Variants in DRC10 observed in about 807,000 individuals in gnomAD.
The protein encoded by DRC10 is IQ domain-containing protein D.
chr12:113,195,486 G>A, the DRC10 span: 1 of 1,458,708 alleles, frequency 6.9e-7, no homozygotes, highest in East Asian at 2.5e-5. Context: ...ATAAAAACAT[G>A]AAAGCCGTGA....
chr12:113,208,281 G>A, the DRC10 span: 1 of 1,462,878 alleles, frequency 6.8e-7, no homozygotes, highest in Non-Finnish European at 9.0e-7. Flanking sequence ...AGAAGTAGGT[G>A]TGAGTGCAGC....
chr12:113,211,868 T>G, the DRC10 span, among the ~76,000 whole-genome samples: 3 of 151,562 alleles, frequency 2.0e-5, no homozygotes, highest in Non-Finnish European at 4.4e-5. Flanking sequence ...GAGTTCAAGA[T>G]CAGCATGGGC....
the DRC10 span, among the ~76,000 whole-genome samples, chr12:113,205,902 C>CAAAAAAAAAA: frequency 6.3e-5 from 3 of 47,980 alleles, no homozygotes; most frequent in Non-Finnish European, 4.3e-5. Context: ...GACTCCGTCT[C>CAAAAAAAAAA]AAAAAAAAAA....
the DRC10 span, among the ~76,000 whole-genome samples, chr12:113,214,563 T>C: frequency 6.6e-6 from 1 of 150,926 alleles, no homozygotes; most frequent in Admixed American, 6.6e-5. Flanking sequence ...AAATCACTGT[T>C]GAATAAATGA....
the DRC10 span, among the ~76,000 whole-genome samples, chr12:113,213,176 TAAAAA>T: frequency 1.1e-4 from 7 of 63,608 alleles, no homozygotes; most frequent in East Asian, 1.2e-3. Flanking sequence ...CAGAGGGTGC[TAAAAA>T]AAAAAAAAAA....
At chr12:113,218,586 G>C in the DRC10 span, among the ~76,000 whole-genome samples, 3 of 152,110 alleles carry the variant, frequency 2.0e-5, no homozygotes, top group Non-Finnish European at 1.5e-5. Flanking sequence ...GGGACTACAG[G>C]TGCATACCAC....
At chr12:113,202,550 G>A in the DRC10 span, among the ~76,000 whole-genome samples, 10 of 152,158 alleles carry the variant, frequency 6.6e-5, no homozygotes, top group African/African-American at 1.4e-4. Flanking sequence ...ACGGGTGGTC[G>A]GTCCTTCCTA....
At chr12:113,195,925 A>G in the DRC10 span, 1 of 1,559,404 alleles carries the variant, frequency 6.4e-7, no homozygotes, top group Admixed American at 1.8e-5. Context: ...CACCACACAT[A>G]GAGTGCCTCC....
At chr12:113,217,540 T>C in the DRC10 span, among the ~76,000 whole-genome samples, 1 of 152,198 alleles carries the variant, frequency 6.6e-6, no homozygotes, top group Non-Finnish European at 1.5e-5. Context: ...GTTGTGGTTG[T>C]TTTGTTTTTG....
chr12:113,208,037 G>C, the DRC10 span: 1 of 1,614,134 alleles, frequency 6.2e-7, no homozygotes, highest in Admixed American at 1.7e-5. Flanking sequence ...ATGGTGGTGA[G>C]TTTGGTCCTA....
chr12:113,203,304 C>T, the DRC10 span, among the ~76,000 whole-genome samples: 761 of 152,196 alleles, frequency 5.0e-3, 8 homozygotes, highest in African/African-American at 0.017. Flanking sequence ...GGATTACAGG[C>T]GTGAGCCACC....
chr12:113,207,180 T>A, the DRC10 span: 2 of 502,608 alleles, frequency 4.0e-6, no homozygotes, highest in Middle Eastern at 1.1e-3. Flanking sequence ...AAAACCTGTC[T>A]CTACTAAAAA....
chr12:113,196,858 A>G, the DRC10 span, among the ~76,000 whole-genome samples: 295 of 152,374 alleles, frequency 1.9e-3, no homozygotes, highest in African/African-American at 6.8e-3. Flanking sequence ...TGCTGGGCAC[A>G]CACACTTGCA....
At chr12:113,196,889 C>T in the DRC10 span, among the ~76,000 whole-genome samples, 1 of 152,272 alleles carries the variant, frequency 6.6e-6, no homozygotes, top group East Asian at 1.9e-4. Context: ...CTCACCGAAT[C>T]CCCGCCATGG....
At chr12:113,204,164 G>A in the DRC10 span, among the ~76,000 whole-genome samples, 1 of 152,198 alleles carries the variant, frequency 6.6e-6, no homozygotes, top group East Asian at 1.9e-4. Flanking sequence ...TCGCCCAGGA[G>A]GTCAAGGCCG....
the DRC10 span, among the ~76,000 whole-genome samples, chr12:113,214,713 G>C: frequency 6.6e-6 from 1 of 152,130 alleles, no homozygotes; most frequent in East Asian, 1.9e-4. Flanking sequence ...TAGAACTGTA[G>C]GCCAACAATT....
the DRC10 span, chr12:113,207,966 G>A: frequency 6.2e-7 from 1 of 1,614,184 alleles, no homozygotes; most frequent in Non-Finnish European, 8.5e-7. Context: ...ACGACAGCAA[G>A]GTCACCAGCT....
the DRC10 span, among the ~76,000 whole-genome samples, chr12:113,217,467 T>A: frequency 2.6e-5 from 4 of 152,234 alleles, no homozygotes; most frequent in South Asian, 2.1e-4. Flanking sequence ...AACATTTCTA[T>A]CACTCCCCCC....
the DRC10 span, among the ~76,000 whole-genome samples, chr12:113,212,127 A>G: frequency 1.3e-5 from 2 of 149,420 alleles, no homozygotes; most frequent in African/African-American, 2.5e-5. Flanking sequence ...CTGGAGTGCA[A>G]TGGTGTGATT....
Sources: gnomAD v4.1 joint callset for allele counts (sites outside exome capture counted in the v4.1 genomes callset) on GRCh38, gnomAD v4.1.1 for gene constraint, MANE v1.5 for transcripts, NCBI Gene and HGNC (gene_info 2026-07-23, HGNC 2026-07-21) for gene names.